The following CLIP1 variants were observed in gnomAD, a reference collection of about 807,000 sequenced individuals.
The protein encoded by CLIP1 is CAP-Gly domain-containing linker protein 1.
Under a neutral mutation model 161.6 loss-of-function variants are expected in CLIP1, and 66 were observed. That is an observed-to-expected ratio of 0.41 (90% CI 0.33 to 0.50). CLIP1 has a LOEUF of 0.50. CLIP1 is among the 20% of genes least tolerant of loss of function. The pLI is 0.27. For missense variants in CLIP1, 1,376 were observed against 1,702.0 expected, an observed-to-expected ratio of 0.81 and a Z score of 3.37; for synonymous variants, 598 against 626.2, an observed-to-expected ratio of 0.96 and a Z score of 0.67.
At chr12:122,359,775 G>A (rs1188713711) in intron 5 of CLIP1, among the ~76,000 whole-genome samples, 5 of 152,122 alleles carry the variant, frequency 3.3e-5, no homozygotes, top group African/African-American at 9.7e-5. Flanking sequence ...AGCAGGCACC[G>A]TGAGATCCTG....
chr12:122,399,411 G>A (rs1956063012), intron 1 of CLIP1: 1 of 152,142 alleles, frequency 6.6e-6, no homozygotes, highest in Non-Finnish European at 1.5e-5. Flanking sequence ...ACAGACCTCT[G>A]CCATCAGTGA....
intron 5 of CLIP1, among the ~76,000 whole-genome samples, chr12:122,356,553 C>T (rs537563536): frequency 6.6e-6 from 1 of 152,204 alleles, no homozygotes; most frequent in South Asian, 2.1e-4. Context: ...CAGCAGCGCA[C>T]ACAGTAACAT....
At chr12:122,363,361 G>A (rs1197430511) in intron 4 of CLIP1, among the ~76,000 whole-genome samples, 4 of 152,214 alleles carry the variant, frequency 2.6e-5, no homozygotes, top group Non-Finnish European at 4.4e-5. Flanking sequence ...GCATTGTGGC[G>A]TGCGCCTGTA....
intron 1 of CLIP1, among the ~76,000 whole-genome samples, chr12:122,403,254 A>G (rs936692916): frequency 1.3e-5 from 2 of 152,186 alleles, no homozygotes; most frequent in African/African-American, 4.8e-5. Flanking sequence ...ACTTTAAAAT[A>G]TCTATTTGAC....
chr12:122,334,687 C>A lies in CLIP1; in HGVS notation c.2587G>T (p.Ala863Ser). 6.3e-7 allele frequency: 1 copy of A among 1,581,488 alleles called. No homozygotes were observed. The highest frequency in any genetic ancestry group is 1.3e-5 in the African/African-American group (1 of 74,622). Residue 863 changes from alanine to serine, a missense_variant, in exon 13 of 26, where the codon GCT becomes TCT. Ala to Ser is a moderately conservative substitution (Grantham distance 99). Coordinates refer to ENST00000620786, the MANE Select transcript of CLIP1 (RefSeq NM_001247997.2). ...TGAACAGAGACTGCCTCCTCTGAAG[C>A]TTCAGCAAACTTTTCTTTCTAAAGA... ...LQILKEKFAEASEEAVSVQRS... is the reference protein window; with the variant it reads ...LQILKEKFAESSEEAVSVQRS...
At chr12:122,278,333 C>CTGTGG in intron 23 of CLIP1, 130 bp from the exon 24 acceptor site, 1 of 803,580 alleles carries the variant, frequency 1.2e-6, no homozygotes, top group Non-Finnish European at 2.0e-6. Flanking sequence ...CCAGATGCAC[C>CTGTGG]ACTTTCAGCA....
intron 17 of CLIP1, 104 bp from the exon 18 acceptor site, chr12:122,319,452 T>C: frequency 1.3e-6 from 1 of 795,336 alleles, no homozygotes; most frequent in East Asian, 2.5e-5. Context: ...TCTGTGTGGG[T>C]AAGGGAGGCA....
intron 20 of CLIP1, among the ~76,000 whole-genome samples, chr12:122,296,889 A>T (rs1056743037): frequency 6.7e-6 from 1 of 149,548 alleles, no homozygotes; most frequent in Non-Finnish European, 1.5e-5. Flanking sequence ...AAAAACATGC[A>T]GGGCAAACAA....
At chr12:122,305,701 G>A (rs747766960) in intron 20 of CLIP1, among the ~76,000 whole-genome samples, 3 of 152,084 alleles carry the variant, frequency 2.0e-5, no homozygotes, top group East Asian at 1.9e-4. Flanking sequence ...CTGAGTCAGT[G>A]GGCTGAGAAA....
At chr12:122,359,272 T>C (rs1005257759) in intron 5 of CLIP1, among the ~76,000 whole-genome samples, 6 of 152,136 alleles carry the variant, frequency 3.9e-5, no homozygotes, top group East Asian at 3.8e-4. Flanking sequence ...GAAACTCACG[T>C]CTCTTTTGTC....
intron 1 of CLIP1, among the ~76,000 whole-genome samples, chr12:122,387,590 A>ATTTTTTTT (rs139790813): frequency 0.017 from 104 of 6,222 alleles, 1 homozygote; most frequent in East Asian, 0.047. Flanking sequence ...ATATATATAT[A>ATTTTTTTT]TTTTTTTTTT....
intron 3 of CLIP1, among the ~76,000 whole-genome samples, chr12:122,374,268 GAGACCATC>G (rs1359518827): frequency 6.9e-6 from 1 of 144,328 alleles, no homozygotes; most frequent in African/African-American, 2.6e-5. Context: ...TCAGGAGATC[GAGACCATC>G]CTGGCTAACA....
intron 15 of CLIP1, among the ~76,000 whole-genome samples, chr12:122,332,431 T>C (rs1430261039): frequency 7.2e-5 from 11 of 152,198 alleles, no homozygotes; most frequent in African/African-American, 2.7e-4. Context: ...TTTTTTCTTA[T>C]TTCTTTTTAG....
chr12:122,412,612 G>A (rs1956583836), intron 1 of CLIP1, among the ~76,000 whole-genome samples: 1 of 151,860 alleles, frequency 6.6e-6, no homozygotes, highest in South Asian at 2.1e-4. Flanking sequence ...TCAAGATCAC[G>A]CCACTGCACT....
At chr12:122,419,818 C>T (rs978686803) in intron 1 of CLIP1, among the ~76,000 whole-genome samples, 1 of 151,568 alleles carries the variant, frequency 6.6e-6, no homozygotes, top group African/African-American at 2.4e-5. Context: ...TGCCTGTAAT[C>T]CCAGCTACTC....
chr12:122,276,129 C>A (rs1396995934), intron 24 of CLIP1, among the ~76,000 whole-genome samples: 1 of 152,188 alleles, frequency 6.6e-6, no homozygotes, highest in Non-Finnish European at 1.5e-5. Flanking sequence ...TATACACACA[C>A]ATATACATAA....
intron 20 of CLIP1, among the ~76,000 whole-genome samples, chr12:122,288,841 A>G (rs1203913260): frequency 3.4e-5 from 4 of 117,084 alleles, no homozygotes; most frequent in Admixed American, 1.0e-4. Context: ...TTTGAGACGG[A>G]GTGTCGCTCT....
chr12:122,366,424 G>A (rs1203326573), intron 3 of CLIP1, among the ~76,000 whole-genome samples: 1 of 152,150 alleles, frequency 6.6e-6, no homozygotes, highest in East Asian at 1.9e-4. Context: ...AGGCTGCAGT[G>A]AGCCATGATC....
chr12:122,337,093 CTAAGCAGCGGAGA>C (rs1952263500), intron 11 of CLIP1, among the ~76,000 whole-genome samples: 2 of 151,718 alleles, frequency 1.3e-5, no homozygotes, highest in Admixed American at 6.6e-5. Context: ...CACCAGCCTC[CTAAGCAGCGGAGA>C]TTACAGGCAC....
Sources: gnomAD v4.1 joint callset for allele counts (sites outside exome capture counted in the v4.1 genomes callset) on GRCh38, gnomAD v4.1.1 for gene constraint, MANE v1.5 for transcripts, NCBI Gene and HGNC (gene_info 2026-07-23, HGNC 2026-07-21) for gene names.